The following DNAJA2 variants were observed in gnomAD, a reference collection of about 807,000 sequenced individuals.
DNAJA2 encodes DnaJ heat shock protein family (Hsp40) member A2, also known as dnaJ homolog subfamily A member 2.
In DNAJA2, 6 loss-of-function variants were observed where a neutral mutation model predicts 49.3. The observed-to-expected ratio is 0.12, with a 90% CI of 0.07 to 0.24. DNAJA2 has a LOEUF of 0.24. Among genes scored for constraint, DNAJA2 ranks in the 10% least tolerant of loss-of-function variants. The pLI is 1.00. For missense variants in DNAJA2, 347 were observed against 516.8 expected, an observed-to-expected ratio of 0.67 and a Z score of 3.19; for synonymous variants, 160 against 172.7, an observed-to-expected ratio of 0.93 and a Z score of 0.58.
chr16:46,967,945 A>G, intron 4 of DNAJA2, 139 bp downstream of exon 4: 1 of 867,772 alleles, frequency 1.2e-6, no homozygotes, highest in East Asian at 2.7e-5. Flanking sequence ...GGCCTCCCAA[A>G]GTGCTGGGAT....
intron 6 of DNAJA2, 125 bp downstream of exon 6, chr16:46,964,486 T>C (rs1487638645): frequency 7.0e-6 from 6 of 852,884 alleles, no homozygotes; most frequent in Non-Finnish European, 1.1e-5. Context: ...CTCACCATGA[T>C]GCCCTTAACT....
rs548087196 is a variant in DNAJA2 at position 46,957,966 on chromosome 16, T to C, written c.1048-746A>G. On this transcript the variant is annotated intron_variant, in intron 8 of 8. Coordinates refer to ENST00000317089, the MANE Select transcript of DNAJA2 (RefSeq NM_005880.4). ...GCCCCATCAACATTTACACCAGCAA[T>C]ACCCCATTTCCTAACAACTAGGAAA... Among the ~76,000 whole-genome samples, 3 of 152,200 alleles carry C rather than the reference T, an allele frequency of 2.0e-5. No homozygotes were observed. The East Asian group carries it at 5.8e-4, about 29-fold the overall frequency.
chr16:46,962,101 T>C lies in DNAJA2; in HGVS notation c.774+2510A>G, dbSNP rs76141965. The stretch of plus-strand genomic sequence containing the variant: ...CATCTGCCTTCTGTTGAAAATTCCA[T>C]GCCAATTCCACTGCTGCCAACAATT... On this transcript the variant is annotated intron_variant, in intron 6 of 8. Coordinates refer to ENST00000317089, the MANE Select transcript of DNAJA2 (RefSeq NM_005880.4). Among the ~76,000 whole-genome samples, 796 of 152,292 alleles carry C rather than the reference T, an allele frequency of 5.2e-3. 25 individuals carry two copies. The East Asian group carries it at 0.098, about 19-fold the overall frequency.
chr16:46,971,978 A>G, intron 1 of DNAJA2, 23 bp from the exon 2 acceptor site: 1 of 1,559,626 alleles, frequency 6.4e-7, no homozygotes, highest in Non-Finnish European at 8.8e-7. Context: ...ATAAAAACAA[A>G]AAAGGTTATA....
At chr16:46,959,660 AC>A (rs1440926088) in intron 6 of DNAJA2, 1 of 427,136 alleles carries the variant, frequency 2.3e-6, no homozygotes, top group Non-Finnish European at 4.2e-6. Flanking sequence ...TATAAGAGCA[AC>A]AGAACTGAGG....
At chr16:46,965,945 C>G (rs1354322743) in intron 5 of DNAJA2, among the ~76,000 whole-genome samples, 1 of 151,708 alleles carries the variant, frequency 6.6e-6, no homozygotes, top group Non-Finnish European at 1.5e-5. Context: ...AAAAGCAGGC[C>G]AAGAGTGGTG....
In DNAJA2 at chr16:46,973,552, C is replaced by A; in HGVS notation, c.21G>T (p.Thr7=). ...GGACGCCCAGGATGTCGTACAGCTT[C>A]GTGTCAGCCACGTTAGCCATGGCGG... MANVAD[T]KLYDILGVPP... The change falls in exon 1 of 9, where the codon ACG becomes ACT. Residue 7 remains threonine (T), a synonymous_variant. Transcript: ENST00000317089. The A allele has an allele frequency of 1.3e-6, 2 of 1,599,350 alleles. No homozygotes were observed.
At chr16:46,958,945 C>A (rs942575198) in intron 8 of DNAJA2, 58 bp downstream of exon 8, 1 of 1,543,468 alleles carries the variant, frequency 6.5e-7, no homozygotes, top group Non-Finnish European at 8.7e-7. Flanking sequence ...GTCTAAAAAA[C>A]CAAAAACCGA....
intron 2 of DNAJA2, 89 bp from the exon 3 acceptor site, chr16:46,971,661 TAAAAAAA>T: frequency 2.1e-6 from 1 of 465,860 alleles, no homozygotes; most frequent in Non-Finnish European, 3.6e-6. Flanking sequence ...CATTTAATTC[TAAAAAAA>T]AAAAAAAAGG....
At chr16:46,961,869 G>A (rs954989933) in intron 6 of DNAJA2, among the ~76,000 whole-genome samples, 1 of 151,808 alleles carries the variant, frequency 6.6e-6, no homozygotes, top group African/African-American at 2.4e-5. Flanking sequence ...AGGTTATAGA[G>A]GCGTGACTAA....
In DNAJA2 at chr16:46,957,251, T is replaced by C. The variant is rs369435063; in HGVS notation, c.1048-31A>G. Reference sequence around the variant, plus strand: ...TTAAAACAAACAAAAACCAGGTTGGTTGTAATATTTTCATCAACTTTCCTT... The same window carrying C: ...TTAAAACAAACAAAAACCAGGTTGGCTGTAATATTTTCATCAACTTTCCTT... On this transcript the variant is annotated intron_variant, in intron 8 of 8. Coordinates refer to ENST00000317089, the MANE Select transcript of DNAJA2 (RefSeq NM_005880.4). 4.1e-5 allele frequency: 63 copies of C among 1,538,840 alleles called. No homozygotes were observed. In the East Asian group the frequency reaches 7.2e-4, roughly 18 times the overall value.
intron 1 of DNAJA2, chr16:46,972,174 T>C (rs1300282007): frequency 7.9e-6 from 4 of 504,014 alleles, no homozygotes; most frequent in Admixed American, 3.7e-5. Flanking sequence ...CAGGTTACAG[T>C]GACGTGAAAA....
chr16:46,963,163 G>T (rs1253296175), intron 6 of DNAJA2, among the ~76,000 whole-genome samples: 2 of 152,154 alleles, frequency 1.3e-5, no homozygotes, highest in Non-Finnish European at 2.9e-5. Flanking sequence ...TAAAAAGGTG[G>T]TTAACCTGTG....
chr16:46,958,247 C>T (rs1423610926), intron 8 of DNAJA2, among the ~76,000 whole-genome samples: 2 of 151,692 alleles, frequency 1.3e-5, no homozygotes, highest in East Asian at 3.9e-4. Flanking sequence ...CAGAGCGAGA[C>T]TCTCTTAAAA....
At chr16:46,968,563 G>C (rs1272869481) in intron 3 of DNAJA2, among the ~76,000 whole-genome samples, 1 of 152,160 alleles carries the variant, frequency 6.6e-6, no homozygotes, top group Non-Finnish European at 1.5e-5. Flanking sequence ...TGATAAAACT[G>C]AGGCACAGAA....
intron 5 of DNAJA2, 57 bp downstream of exon 5, chr16:46,967,456 A>G (rs1961988353): frequency 7.5e-6 from 12 of 1,605,354 alleles, no homozygotes; most frequent in South Asian, 4.4e-5. Flanking sequence ...AACCTCTCCA[A>G]TATCTGCATT....
chr16:46,955,731 G>T lies in DNAJA2; in HGVS notation c.*1298C>A, dbSNP rs575240407. The stretch of plus-strand genomic sequence containing the variant: ...ATAAATGTAAAATTGTGCATCTGAT[G>T]TCTCTTTCCTCAAATAAGTGTGTTC... On this transcript the variant is annotated 3_prime_UTR_variant, in exon 9 of 9. Transcript: ENST00000317089. The T allele has an allele frequency of 1.6e-4, 25 of 152,176 alleles. No individual in the cohort carries two copies. Among genetic ancestry groups the T allele is most frequent in the African/African-American group, 5.5e-4 (23 of 41,526 alleles). 9.4% of individuals were successfully genotyped at this position (152,176 alleles called of 1,614,324 possible).
At position 46,964,627 on chromosome 16, in the gene DNAJA2, T is replaced by C. The variant is rs1567353633; in HGVS notation, c.758A>G (p.Gln253Arg). 1 of 1,601,734 alleles carries C rather than the reference T, an allele frequency of 6.2e-7. No homozygotes were observed. Among genetic ancestry groups the C allele is most frequent in the Non-Finnish European group, 8.5e-7 (1 of 1,177,158 alleles). The part of the protein sequence containing the change: ...VEPGDIVLLL[Q>R]EKEHEVFQRD... ...GAAAATCACCTCATGTTCTTTCTCCTGTAGCAAAAGAACAATGTCTCCGGG... is the reference window on the plus strand; with the variant it reads ...GAAAATCACCTCATGTTCTTTCTCCCGTAGCAAAAGAACAATGTCTCCGGG... Residue 253 changes from glutamine to arginine, a missense_variant, in exon 6 of 9, where the codon CAG (glutamine) becomes CGG (arginine). Coordinates refer to ENST00000317089, the MANE Select transcript of DNAJA2 (RefSeq NM_005880.4).
intron 1 of DNAJA2, 58 bp from the exon 2 acceptor site, chr16:46,972,013 T>C (rs972604933): frequency 8.0e-6 from 9 of 1,128,510 alleles, no homozygotes; most frequent in Non-Finnish European, 8.0e-6. Context: ...AAAAGTTTTG[T>C]AATAACTTAA....
Sources: allele counts gnomAD v4.1 joint callset (sites outside exome capture counted in the v4.1 genomes callset), GRCh38; gene constraint gnomAD v4.1.1; transcripts MANE v1.5; gene names NCBI Gene and HGNC (gene_info 2026-07-23, HGNC 2026-07-21).